The following FRMD6 variants were observed in gnomAD, a reference collection of about 807,000 sequenced individuals.
The protein encoded by FRMD6 is FERM domain-containing protein 6.
FRMD6 carries 37 observed loss-of-function variants against 73.2 expected under a neutral mutation model. The observed-to-expected ratio is 0.51, with a 90% confidence interval of 0.39 to 0.66. The LOEUF is 0.66. FRMD6 is among the 30% of genes least tolerant of loss of function. The pLI is 0.00. For synonymous variants in FRMD6, 273 were observed against 282.2 expected (o/e 0.97, Z 0.33); for missense variants, 714 against 780.5 (o/e 0.91, Z 1.02).
At chr14:51,727,145 C>T (rs933799656) in intron 13 of FRMD6, among the ~76,000 whole-genome samples, 3 of 151,994 alleles carry the variant, frequency 2.0e-5, no homozygotes, top group African/African-American at 7.2e-5. Context: ...CCAAGAACAC[C>T]CTATATCCTA....
At chr14:51,477,589 A>G in the FRMD6 span, among the ~76,000 whole-genome samples, 1 of 152,182 alleles carries the variant, frequency 6.6e-6, no homozygotes, top group Non-Finnish European at 1.5e-5. Context: ...AAGCTGACAG[A>G]TGCTGTTGAA....
At chr14:51,464,904 A>G in the FRMD6 span, among the ~76,000 whole-genome samples, 1 of 152,172 alleles carries the variant, frequency 6.6e-6, no homozygotes, top group Non-Finnish European at 1.5e-5. Context: ...GCATGCAGAA[A>G]CTGAAATTTA....
At chr14:51,646,515 T>G (rs1387366455) in intron 2 of FRMD6, among the ~76,000 whole-genome samples, 1 of 151,846 alleles carries the variant, frequency 6.6e-6, no homozygotes, top group East Asian at 1.9e-4. Context: ...TTGCGTATCC[T>G]AATGGGAGTG....
At chr14:51,476,681 C>T in the FRMD6 span, among the ~76,000 whole-genome samples, 1 of 152,260 alleles carries the variant, frequency 6.6e-6, no homozygotes, top group East Asian at 1.9e-4. Context: ...TGAAGCAAGA[C>T]TACATATCCA....
chr14:51,428,115 C>T, the FRMD6 span, among the ~76,000 whole-genome samples: 1 of 152,172 alleles, frequency 6.6e-6, no homozygotes, highest in African/African-American at 2.4e-5. Flanking sequence ...GAAATGAGAA[C>T]ACACTTTAGG....
the FRMD6 span, among the ~76,000 whole-genome samples, chr14:51,462,096 G>A: frequency 6.6e-6 from 1 of 152,132 alleles, no homozygotes; most frequent in East Asian, 1.9e-4. Context: ...AGAAAAGAAA[G>A]AAAGAAGGAA....
At chr14:51,694,042 C>A (rs1288365062) in intron 2 of FRMD6, among the ~76,000 whole-genome samples, 2 of 152,196 alleles carry the variant, frequency 1.3e-5, no homozygotes, top group Non-Finnish European at 2.9e-5. Context: ...CATAATTTCT[C>A]TCTCTATAAC....
the FRMD6 span, among the ~76,000 whole-genome samples, chr14:51,423,392 CT>C: frequency 6.6e-6 from 1 of 152,142 alleles, no homozygotes; most frequent in Non-Finnish European, 1.5e-5. Context: ...TGGAAAGGGG[CT>C]TCTTCTCAGC....
At chr14:51,421,297 A>G in the FRMD6 span, among the ~76,000 whole-genome samples, 1 of 152,232 alleles carries the variant, frequency 6.6e-6, no homozygotes, top group Admixed American at 6.5e-5. Flanking sequence ...AAGTAGGAAA[A>G]GCTGACTGCC....
intron 10 of FRMD6, among the ~76,000 whole-genome samples, chr14:51,715,986 G>T (rs1377087677): frequency 6.6e-6 from 1 of 152,182 alleles, no homozygotes; most frequent in African/African-American, 2.4e-5. Flanking sequence ...CTGATTGACG[G>T]CTGGGAGGCC....
At chr14:51,659,775 T>C (rs1893083476) in intron 1 of FRMD6, among the ~76,000 whole-genome samples, 1 of 152,212 alleles carries the variant, frequency 6.6e-6, no homozygotes, top group African/African-American at 2.4e-5. Context: ...TGAGTACTTC[T>C]GAAGAAAGCC....
At chr14:51,618,425 T>C (rs190129190) in intron 2 of FRMD6, among the ~76,000 whole-genome samples, 1 of 152,276 alleles carries the variant, frequency 6.6e-6, no homozygotes, top group East Asian at 1.9e-4. Flanking sequence ...AAAAGGTCAT[T>C]CTGGTTGCTT....
upstream of FRMD6, among the ~76,000 whole-genome samples, chr14:51,485,481 C>T (rs1011955631): frequency 6.6e-6 from 1 of 152,148 alleles, no homozygotes; most frequent in African/African-American, 2.4e-5. Flanking sequence ...CTATAGTGAC[C>T]CTTTCAACTG....
chr14:51,695,499 T>A (rs538960822), intron 2 of FRMD6, among the ~76,000 whole-genome samples: 1 of 152,092 alleles, frequency 6.6e-6, no homozygotes, highest in Admixed American at 6.6e-5. Flanking sequence ...GTGGTGGTGG[T>A]GGGTGGGTTT....
intron 8 of FRMD6, among the ~76,000 whole-genome samples, chr14:51,712,184 A>G (rs1363951066): frequency 6.6e-6 from 1 of 152,198 alleles, no homozygotes; most frequent in Non-Finnish European, 1.5e-5. Flanking sequence ...TGAAAGTCTG[A>G]GCGCCTTATT....
At chr14:51,457,364 A>G in the FRMD6 span, among the ~76,000 whole-genome samples, 1 of 152,160 alleles carries the variant, frequency 6.6e-6, no homozygotes, top group Non-Finnish European at 1.5e-5. Flanking sequence ...AAAAAAAACA[A>G]CAAAACAAGA....
chr14:51,721,957 A>G lies in FRMD6; in HGVS notation c.1369A>G (p.Met457Val). The change falls in exon 12 of 14, where the codon ATG becomes GTG. Residue 457 changes from methionine to valine, a missense_variant. Met to Val is a conservative substitution (Grantham distance 21). Transcript: ENST00000344768. ...EEDLQDDEIEMLVDDPRDLEQ... is the reference protein window; with the variant it reads ...EEDLQDDEIEVLVDDPRDLEQ... ...TCCTTCTTCTGTGTCAGAAATAGAG[A>G]TGTTGGTTGATGACCCCCGGGATCT... 4 of 1,613,874 alleles carry G rather than the reference A, an allele frequency of 2.5e-6. No homozygotes were observed. In the Middle Eastern group the frequency reaches 4.9e-4, roughly 200 times the overall value.
intron 1 of FRMD6, among the ~76,000 whole-genome samples, chr14:51,678,168 GAGAT>G (rs1489859824): frequency 6.6e-6 from 1 of 152,162 alleles, no homozygotes; most frequent in Non-Finnish European, 1.5e-5. Context: ...TACGGAAGCT[GAGAT>G]AGAGAGGTGA....
the FRMD6 span, among the ~76,000 whole-genome samples, chr14:51,408,500 T>C: frequency 2.0e-5 from 3 of 152,166 alleles, no homozygotes; most frequent in Non-Finnish European, 4.4e-5. Context: ...TCTGGATAAT[T>C]TCTTCTGATC....
Sources: gnomAD v4.1 joint callset for allele counts (sites outside exome capture counted in the v4.1 genomes callset) on GRCh38, gnomAD v4.1.1 for gene constraint, MANE v1.5 for transcripts, NCBI Gene and HGNC (gene_info 2026-07-23, HGNC 2026-07-21) for gene names.